Variants in FHOD3 observed in about 807,000 individuals in gnomAD.
The protein encoded by FHOD3 is FH1/FH2 domain-containing protein 3.
Under a neutral mutation model 173.0 loss-of-function variants are expected in FHOD3, and 90 were observed. The ratio of observed to expected loss-of-function variants is 0.52; its 90% CI spans 0.44 to 0.62. FHOD3 has a LOEUF of 0.62. FHOD3 is among the 20% of genes least tolerant of loss of function. FHOD3 has a pLI of 0.00. For synonymous variants in FHOD3, 828 were observed against 823.0 expected (o/e 1.01, Z -0.10); for missense variants, 1,945 against 2,034.7 (o/e 0.96, Z 0.85).
In FHOD3 at chr18:36,659,059, C is replaced by T. The variant is rs1048970895; in HGVS notation, c.1835+871C>T. 2.6e-5 allele frequency among the ~76,000 whole-genome samples: 4 copies of T among 152,180 alleles called. No individual in the cohort carries two copies. In the East Asian group the frequency reaches 7.7e-4, roughly 29 times the overall value. ...CATGAGCGACATCAGAGATCACTTA[C>T]CTCAAATCCCAAATTTAAAGCAACC... On this transcript the variant is annotated intron_variant, in intron 14 of 28. Coordinates refer to ENST00000590592, the MANE Select transcript of FHOD3 (RefSeq NM_001281740.3).
chr18:36,728,923 C>G (rs184454246), intron 19 of FHOD3, among the ~76,000 whole-genome samples: 28 of 152,306 alleles, frequency 1.8e-4, no homozygotes, highest in Admixed American at 5.2e-4. Context: ...GTCAGCAGGT[C>G]CTCTGGGATG....
At chr18:36,402,055 T>C (rs898170783) in intron 3 of FHOD3, among the ~76,000 whole-genome samples, 1 of 152,242 alleles carries the variant, frequency 6.6e-6, no homozygotes, top group Non-Finnish European at 1.5e-5. Context: ...GAAACTTAAA[T>C]GTGGTGCTTT....
intron 3 of FHOD3, among the ~76,000 whole-genome samples, chr18:36,452,992 TGTCTACTAC>T (rs1332599415): frequency 6.6e-6 from 1 of 152,308 alleles, no homozygotes. Context: ...ATGTCTACAA[TGTCTACTAC>T]ATAGACATCT....
chr18:36,613,587 C>A (rs1184035974), intron 9 of FHOD3, among the ~76,000 whole-genome samples: 1 of 152,116 alleles, frequency 6.6e-6, no homozygotes, highest in Admixed American at 6.5e-5. Context: ...CCAGGCAATC[C>A]CTGAGGACAT....
intron 5 of FHOD3, among the ~76,000 whole-genome samples, chr18:36,572,820 C>G (rs2058500603): frequency 6.6e-6 from 1 of 152,118 alleles, no homozygotes; most frequent in African/African-American, 2.4e-5. Flanking sequence ...TCTACCTTCT[C>G]TCTCCCTGTG....
At chr18:36,557,456 CT>C (rs2057932764) in intron 5 of FHOD3, among the ~76,000 whole-genome samples, 1 of 152,004 alleles carries the variant, frequency 6.6e-6, no homozygotes, top group Non-Finnish European at 1.5e-5. Flanking sequence ...TAATTTTCGT[CT>C]TGGAAATTGT....
chr18:36,471,566 T>C (rs748678472), intron 3 of FHOD3, among the ~76,000 whole-genome samples: 1 of 152,154 alleles, frequency 6.6e-6, no homozygotes, highest in Non-Finnish European at 1.5e-5. Flanking sequence ...AGAACAATGG[T>C]CTATTCAGCA....
rs368770376 is a variant in FHOD3, at chr18:36,696,350, C to T, written c.2236+2927C>T. ...AGCCTACATTTCAGAATTATATTTA[C>T]AAGAAAAGGAAAAACTAATATTTGT... On this transcript the variant is annotated intron_variant, in intron 17 of 28. Transcript: ENST00000590592. Among the ~76,000 whole-genome samples, 7 of 152,264 alleles carry T rather than the reference C, an allele frequency of 4.6e-5. No individual in the cohort carries two copies. The East Asian group carries it at 1.3e-3, about 29-fold the overall frequency.
intron 10 of FHOD3, among the ~76,000 whole-genome samples, chr18:36,648,615 A>G (rs371844402): frequency 6.6e-6 from 1 of 152,126 alleles, no homozygotes; most frequent in Non-Finnish European, 1.5e-5. Context: ...AGTTTCAACT[A>G]TGTTTTTCTT....
At chr18:36,496,143 A>T (rs1383706149) in intron 3 of FHOD3, among the ~76,000 whole-genome samples, 1 of 152,146 alleles carries the variant, frequency 6.6e-6, no homozygotes, top group Non-Finnish European at 1.5e-5. Flanking sequence ...TTGAACTTGG[A>T]ATGTTACCCA....
At chr18:36,341,764 A>G (rs1225812043) in intron 1 of FHOD3, among the ~76,000 whole-genome samples, 1 of 152,192 alleles carries the variant, frequency 6.6e-6, no homozygotes, top group Non-Finnish European at 1.5e-5. Flanking sequence ...GATTAAGGAG[A>G]TCTGTTCCTA....
chr18:36,652,397 A>G (rs1246052259), intron 11 of FHOD3, among the ~76,000 whole-genome samples, 173 bp from the exon 12 acceptor site: 5 of 152,274 alleles, frequency 3.3e-5, no homozygotes, highest in African/African-American at 1.2e-4. Context: ...TGGGCAAACC[A>G]AAGCTGCTGG....
At chr18:36,445,711 A>T (rs577322352) in intron 3 of FHOD3, among the ~76,000 whole-genome samples, 1 of 152,226 alleles carries the variant, frequency 6.6e-6, no homozygotes, top group African/African-American at 2.4e-5. Context: ...TAAGGGTAGG[A>T]TTATGAAGGT....
At chr18:36,538,111 G>A (rs1311743136) in intron 5 of FHOD3, among the ~76,000 whole-genome samples, 1 of 152,166 alleles carries the variant, frequency 6.6e-6, no homozygotes, top group African/African-American at 2.4e-5. Flanking sequence ...GGGTCAAACA[G>A]GAAGTCTCCA....
intron 24 of FHOD3, among the ~76,000 whole-genome samples, chr18:36,749,802 G>A (rs772229955): frequency 2.6e-5 from 4 of 152,180 alleles, no homozygotes; most frequent in South Asian, 2.1e-4. Context: ...CCCTCCAACC[G>A]AGTATAAGTG....
chr18:36,762,171 G>A (rs2042909715), intron 27 of FHOD3, among the ~76,000 whole-genome samples: 1 of 152,096 alleles, frequency 6.6e-6, no homozygotes. Flanking sequence ...AAAAATAACG[G>A]TAGTAATGAT....
chr18:36,680,191 A>G lies in FHOD3; in HGVS notation c.1836-1245A>G, dbSNP rs115964349. On this transcript the variant is annotated intron_variant, in intron 14 of 28. Transcript: ENST00000590592. ...TACTCCCTCCCTGTAGCTGCCAGGG[A>G]TGGTGGTTTCTTCCCTCCATTTTCC... 9.7e-3 allele frequency among the ~76,000 whole-genome samples: 1,478 copies of G among 152,194 alleles called. 17 individuals are homozygous for G. Among genetic ancestry groups the G allele is most frequent in the African/African-American group, 0.034 (1,411 of 41,520 alleles).
chr18:36,409,212 A>C (rs1379518929), intron 3 of FHOD3, among the ~76,000 whole-genome samples: 1 of 152,178 alleles, frequency 6.6e-6, no homozygotes. Context: ...AGGGGCATGC[A>C]CATCTCCTTC....
chr18:36,519,374 G>A (rs1457791311), intron 5 of FHOD3, among the ~76,000 whole-genome samples: 2 of 152,192 alleles, frequency 1.3e-5, no homozygotes, highest in Non-Finnish European at 2.9e-5. Context: ...TCTCTCTGGT[G>A]TTTCTGGATG....
Sources: gnomAD v4.1 joint callset for allele counts (sites outside exome capture counted in the v4.1 genomes callset) on GRCh38, gnomAD v4.1.1 for gene constraint, MANE v1.5 for transcripts, NCBI Gene and HGNC (gene_info 2026-07-23, HGNC 2026-07-21) for gene names.